FHIP2A: variants seen among roughly 807,000 people sequenced by gnomAD.
FHIP2A encodes FHF complex subunit HOOK interacting protein 2A, also known as family with sequence similarity 160 member B1.
A neutral mutation model predicts 93.5 loss-of-function variants in FHIP2A; 46 were observed. The observed-to-expected ratio is 0.49, with a 90% CI of 0.39 to 0.63. The LOEUF (loss-of-function observed/expected upper bound fraction) is 0.63, where lower values mean the gene tolerates loss of function less well. Ranked by LOEUF, FHIP2A falls within the 20% of genes least tolerant of loss-of-function variation. The pLI, the probability that FHIP2A is intolerant of heterozygous loss-of-function variation, is 0.00. For synonymous variants in FHIP2A, 332 were observed against 326.5 expected (o/e 1.02, Z -0.18); for missense variants, 769 against 909.7 (o/e 0.85, Z 1.99).
Position 114,845,282 on chromosome 10 carries a change from A to G in FHIP2A, c.1014-85A>G, listed in dbSNP as rs139255846. 1.7e-3 allele frequency: 1,297 copies of G among 744,010 alleles called. 12 individuals carry two copies. The African/African-American group carries it at 0.02, about 11-fold the overall frequency. 46.1% of individuals were successfully genotyped at this position (744,010 alleles called of 1,614,324 possible). A position where few individuals can be genotyped will look rare whatever the true frequency, so the allele number is the denominator to read the frequency against. ...TGTACCATACTATCTGAGTGTGTTC[A>G]TGTGCCTTCATTTTTCCATACATTC... On this transcript the variant is annotated intron_variant, in intron 7 of 16. Coordinates refer to ENST00000369248, the MANE Select transcript of FHIP2A (RefSeq NM_020940.4).
At position 114,835,659 on chromosome 10, in the gene FHIP2A, C is replaced by T. The variant is rs1260208056; in HGVS notation, c.399+18C>T. ...CAGTGCAGGTATTTTGTTCCCCCTA[C>T]ATAAAATCATTTTGTTTGATTTCTT... On this transcript the variant is annotated intron_variant, in intron 4 of 16. Coordinates refer to ENST00000369248, the MANE Select transcript of FHIP2A (RefSeq NM_020940.4). 2.2e-6 allele frequency: 3 copies of T among 1,350,402 alleles called. No homozygotes were observed. The highest frequency in any genetic ancestry group is 1.5e-5 in the African/African-American group (1 of 68,694). 83.7% of individuals were successfully genotyped at this position (1,350,402 alleles called of 1,614,324 possible).
Position 114,833,336 on chromosome 10 carries a change from G to A in FHIP2A, c.228G>A (p.Gly76=). The change falls in exon 3 of 17, where the codon GGG becomes GGA. Residue 76 remains glycine, a synonymous_variant. Transcript: ENST00000369248. ...EENERESGET[G]PCMEYLLHHK... is the part of the protein sequence containing the mutation. ...ATGAACGGGAATCTGGAGAGACAGG[G>A]CCATGTATGGAATATTTGCTTCATC... 1.9e-6 allele frequency: 3 copies of A among 1,613,942 alleles called. No homozygotes were observed. The highest frequency in any genetic ancestry group is 2.5e-6 in the Non-Finnish European group (3 of 1,179,906).
downstream of FHIP2A, among the ~76,000 whole-genome samples, chr10:114,865,415 G>A (rs1020622876): frequency 6.6e-6 from 1 of 152,132 alleles, no homozygotes; most frequent in Non-Finnish European, 1.5e-5. Context: ...GTATTTGCCA[G>A]AGGTTCTGAA....
chr10:114,828,529 A>G (rs1460222514), intron 1 of FHIP2A, among the ~76,000 whole-genome samples: 1 of 152,234 alleles, frequency 6.6e-6, no homozygotes, highest in Non-Finnish European at 1.5e-5. Context: ...AATGCACTTA[A>G]CTGTATAAAG....
chr10:114,876,644 C>G (rs900918852), intron 16 of FHIP2A, among the ~76,000 whole-genome samples: 1 of 152,110 alleles, frequency 6.6e-6, no homozygotes, highest in African/African-American at 2.4e-5. Flanking sequence ...TGGGACCTGC[C>G]GGGAGCTTTC....
chr10:114,861,727 A>G lies in FHIP2A; in HGVS notation c.*187A>G. 7.3e-7 allele frequency: 1 copy of G among 1,369,128 alleles called. No individual in the cohort carries two copies. Among genetic ancestry groups the G allele is most frequent in the Non-Finnish European group, 9.4e-7 (1 of 1,062,002 alleles). The allele number at this position is 1,369,128 out of a possible 1,614,324, so 84.8% of individuals were successfully genotyped here. On this transcript the variant is annotated 3_prime_UTR_variant, in exon 17 of 17. Coordinates refer to ENST00000369248, the MANE Select transcript of FHIP2A (RefSeq NM_020940.4). ...TGAAATGTTGTATAATGTTGTTTTC[A>G]TTGGCTTTATCATAATGGTTCTATA... is the stretch of plus-strand genomic sequence containing the variant.
rs150500651 is a variant in FHIP2A at position 114,830,858 on chromosome 10, C to T, written c.52C>T (p.Pro18Ser). 5.0e-6 allele frequency: 8 copies of T among 1,606,582 alleles called. No homozygotes were observed. Among genetic ancestry groups the T allele is most frequent in the Non-Finnish European group, 6.8e-6 (8 of 1,176,276 alleles). Residue 18 changes from proline (P) to serine (S), a missense_variant, in exon 2 of 17, where the codon CCT becomes TCT. By Grantham distance (74) the Pro-to-Ser change is moderately conservative. Transcript: ENST00000369248. ...TGGTCTTTTGTTTGTGTAGCTTGCA[C>T]CTTCTCTTCCTTTACAAGAAGATTT... is the stretch of plus-strand genomic sequence containing the variant. The part of the protein sequence containing the change: ...ILQHAVEALA[P>S]SLPLQEDFVY...
At chr10:114,878,791 A>AAG (rs1555247328) in intron 16 of FHIP2A, among the ~76,000 whole-genome samples, 5 of 135,522 alleles carry the variant, frequency 3.7e-5, no homozygotes, top group African/African-American at 1.4e-4. Flanking sequence ...AAAAAAAAAA[A>AAG]AAAGAAAGAA....
At chr10:114,875,986 GAAAGAAAGAA>G (rs1193153838) in intron 16 of FHIP2A, among the ~76,000 whole-genome samples, 6 of 151,486 alleles carry the variant, frequency 4.0e-5, no homozygotes, top group Admixed American at 2.6e-4. Context: ...AAGAGAGAAA[GAAAGAAAGAA>G]AAAGAAAGAG....
At position 114,822,007 on chromosome 10, in the gene FHIP2A, C is replaced by T; in HGVS notation, c.-72C>T. The T allele has an allele frequency of 9.5e-7, 1 of 1,055,070 alleles. No homozygotes were observed. Among genetic ancestry groups the T allele is most frequent in the Non-Finnish European group, 1.2e-6 (1 of 816,378 alleles). The allele number at this position is 1,055,070 out of a possible 1,614,324, so 65.4% of individuals were successfully genotyped here. A position where few individuals can be genotyped will look rare whatever the true frequency, so the allele number is the denominator to read the frequency against. On this transcript the variant is annotated 5_prime_UTR_variant, in exon 1 of 17. Coordinates refer to ENST00000369248, the MANE Select transcript of FHIP2A (RefSeq NM_020940.4). ...TCTGGAGCGGCCCCGGCAGCCGCAG[C>T]AGGGGCGGCGGCGGCGGATCGAGGA...
At chr10:114,899,796 A>G in exon 17 of FHIP2A, 2 of 418,294 alleles carry the variant, frequency 4.8e-6, no homozygotes, top group East Asian at 3.6e-5. Flanking sequence ...AAATACTGTT[A>G]TCAATAAAAC....
rs748029692 is a variant in FHIP2A at position 114,864,603 on chromosome 10, G to C, written c.*3063G>C. The C allele has an allele frequency of 2.5e-5, 25 of 985,690 alleles. No homozygotes were observed. The highest frequency in any genetic ancestry group is 2.8e-5 in the Non-Finnish European group (23 of 829,940). 61.1% of individuals were successfully genotyped at this position (985,690 alleles called of 1,614,324 possible). A position where few individuals can be genotyped will look rare whatever the true frequency, so the allele number is the denominator to read the frequency against. On this transcript the variant is annotated 3_prime_UTR_variant, in exon 17 of 17. Coordinates refer to ENST00000369248, the MANE Select transcript of FHIP2A (RefSeq NM_020940.4). ...TGGAGAAACTCTTCAGATGGTCATT[G>C]TGTACCTACTCTCTCTTCAAAGGAA...
chr10:114,847,153 G>GT lies in FHIP2A; in HGVS notation c.1633dup (p.Trp545LeufsTer3). The GT allele has an allele frequency of 6.2e-7, 1 of 1,613,252 alleles. No individual in the cohort carries two copies. The highest frequency in any genetic ancestry group is 8.5e-7 in the Non-Finnish European group (1 of 1,179,308). ...CAGAAAACACTTTGCCAAACCAAGA[G>GT]TGGCTTAGTTCTTCACCTCCTGCTA... is the stretch of plus-strand genomic sequence containing the variant. On this transcript the variant is annotated frameshift_variant, in exon 12 of 17. Transcript: ENST00000369248. LOFTEE classifies it high-confidence loss of function.
At chr10:114,886,903 T>G (rs2083946058) in intron 16 of FHIP2A, among the ~76,000 whole-genome samples, 2 of 152,124 alleles carry the variant, frequency 1.3e-5, no homozygotes, top group African/African-American at 2.4e-5. Context: ...GGATTACACT[T>G]GCAAGCCACT....
At chr10:114,854,137 G>GTT (rs758227621) in intron 13 of FHIP2A, among the ~76,000 whole-genome samples, 19 of 138,006 alleles carry the variant, frequency 1.4e-4, no homozygotes, top group Admixed American at 2.2e-4. Flanking sequence ...AAAGACCAGG[G>GTT]TTTTTTTTTT....
intron 16 of FHIP2A, among the ~76,000 whole-genome samples, chr10:114,878,449 G>T (rs2083900322): frequency 6.6e-6 from 1 of 152,182 alleles, no homozygotes; most frequent in Non-Finnish European, 1.5e-5. Flanking sequence ...TATCTTTGTG[G>T]ATGGACAATG....
intron 16 of FHIP2A, among the ~76,000 whole-genome samples, chr10:114,893,845 A>G (rs1321166827): frequency 1.3e-5 from 2 of 152,162 alleles, no homozygotes; most frequent in African/African-American, 4.8e-5. Context: ...AGAAAAATAT[A>G]TTCAAAATAT....
At chr10:114,867,358 C>T (rs7075888), downstream of FHIP2A, among the ~76,000 whole-genome samples, 48,433 of 151,962 alleles carry the variant, frequency 0.32, 8,304 homozygotes, top group Non-Finnish European at 0.39. Flanking sequence ...TGCTTTGGGC[C>T]CATATTTTCT....
At position 114,836,256 on chromosome 10, in the gene FHIP2A, A is replaced by G. The variant is rs746550318; in HGVS notation, c.522+10A>G. 1.9e-6 allele frequency: 3 copies of G among 1,563,762 alleles called. No homozygotes were observed. Among genetic ancestry groups the G allele is most frequent in the Non-Finnish European group, 1.7e-6 (2 of 1,145,244 alleles). ...TAACTTTTTCCTAGAGGTATGATACACTTTTTATCAACTTTCAAACTGTAG... is the reference window on the plus strand; with the variant it reads ...TAACTTTTTCCTAGAGGTATGATACGCTTTTTATCAACTTTCAAACTGTAG... On this transcript the variant is annotated intron_variant, in intron 5 of 16. Coordinates refer to ENST00000369248, the MANE Select transcript of FHIP2A (RefSeq NM_020940.4).
Sources: allele counts gnomAD v4.1 joint callset (sites outside exome capture counted in the v4.1 genomes callset), GRCh38; gene constraint gnomAD v4.1.1; transcripts MANE v1.5; gene names NCBI Gene and HGNC (gene_info 2026-07-23, HGNC 2026-07-21).